Variants in TTC31 observed in about 807,000 individuals in gnomAD.
TTC31 encodes the protein tetratricopeptide repeat domain 31.
TTC31 carries 59 observed loss-of-function variants against 60.4 expected under a neutral mutation model. The observed-to-expected ratio is 0.98, with a 90% CI of 0.79 to 1.21. The LOEUF is 1.21. Among genes scored for constraint, TTC31 ranks in the 50% most tolerant of loss-of-function variants. The pLI, the probability that TTC31 is intolerant of heterozygous loss-of-function variation, is 0.00. For synonymous variants in TTC31, 225 were observed against 249.6 expected (o/e 0.90, Z 0.93); for missense variants, 672 against 646.9 (o/e 1.04, Z -0.42).
chr2:74,486,218 G>C (rs778121098), intron 2 of TTC31, among the ~76,000 whole-genome samples: 2 of 151,514 alleles, frequency 1.3e-5, no homozygotes, highest in Admixed American at 1.3e-4. Flanking sequence ...GTGAGCCAAG[G>C]TTGCGCCATT....
At chr2:74,483,200 T>A in intron 1 of TTC31, 65 bp downstream of exon 1, 1 of 1,613,810 alleles carries the variant, frequency 6.2e-7, no homozygotes, top group Non-Finnish European at 8.5e-7. Flanking sequence ...TGGGTCCACC[T>A]GTGGTCTGAA....
intron 5 of TTC31, 120 bp downstream of exon 5, chr2:74,490,859 A>G: frequency 1.8e-6 from 2 of 1,094,234 alleles, no homozygotes; most frequent in Non-Finnish European, 2.6e-6. Context: ...TCTTGCCAGG[A>G]GGACACAAGG....
rs1353466951 is a variant in TTC31, at chr2:74,483,418, C to T, written c.129+8C>T. Reference sequence around the variant, plus strand: ...GAGGATTACGGCGAAGAGGTAAAAGCGACCCTCAGTTTCCCCCAGTCCTGC... The same window carrying T: ...GAGGATTACGGCGAAGAGGTAAAAGTGACCCTCAGTTTCCCCCAGTCCTGC... On this transcript the variant is annotated splice_region_variant and intron_variant, in intron 2 of 12. Coordinates refer to ENST00000233623, the MANE Select transcript of TTC31 (RefSeq NM_022492.6). The T allele has an allele frequency of 6.8e-6, 11 of 1,614,048 alleles. No homozygotes were observed. In the East Asian group the frequency reaches 2.4e-4, roughly 36 times the overall value.
At chr2:74,492,501 G>T in intron 11 of TTC31, 56 bp downstream of exon 11, 1 of 1,528,444 alleles carries the variant, frequency 6.5e-7, no homozygotes. Context: ...AGTGGGGAGA[G>T]GGTCTATGTT....
intron 2 of TTC31, chr2:74,483,731 C>G: frequency 1.6e-6 from 1 of 640,220 alleles, no homozygotes; most frequent in Non-Finnish European, 2.3e-6. Context: ...AATCTCAACA[C>G]TTTGGGAGGC....
chr2:74,492,390 G>A lies in TTC31; in HGVS notation c.1106G>A (p.Arg369Gln), dbSNP rs199905821. ...LADAQVALTLRPGWPRGLFRL... is the reference protein window; with the variant it reads ...LADAQVALTLQPGWPRGLFRL... Reference sequence around the variant, plus strand: ...GATGCCCAGGTGGCCCTTACCCTACGGCCTGGCTGGCCCCGGGGCCTCTTC... The same window carrying A: ...GATGCCCAGGTGGCCCTTACCCTACAGCCTGGCTGGCCCCGGGGCCTCTTC... Residue 369 changes from arginine (R) to glutamine (Q), a missense_variant, in exon 11 of 13, where the codon CGG becomes CAG. Coordinates refer to ENST00000233623, the MANE Select transcript of TTC31 (RefSeq NM_022492.6). 324 of 1,530,834 alleles carry A rather than the reference G, an allele frequency of 2.1e-4. 1 individual carries two copies. The highest frequency in any genetic ancestry group is 2.5e-4 in the Non-Finnish European group (290 of 1,139,780). 94.8% of individuals were successfully genotyped at this position (1,530,834 alleles called of 1,614,324 possible).
At chr2:74,489,680 G>A (rs1673581261) in intron 2 of TTC31, among the ~76,000 whole-genome samples, 1 of 152,146 alleles carries the variant, frequency 6.6e-6, no homozygotes, top group African/African-American at 2.4e-5. Context: ...GATATGACAG[G>A]GGGCCTAGCT....
chr2:74,491,240 G>A lies in TTC31; in HGVS notation c.604-55G>A. The A allele has an allele frequency of 1.4e-5, 22 of 1,614,172 alleles. No homozygotes were observed. In the South Asian group the frequency reaches 2.3e-4, roughly 17 times the overall value. On this transcript the variant is annotated intron_variant, in intron 6 of 12. Coordinates refer to ENST00000233623, the MANE Select transcript of TTC31 (RefSeq NM_022492.6). The stretch of plus-strand genomic sequence containing the variant: ...CAAGTGCCAGGAAGGTGAGGGCCAA[G>A]AAAGCAGGCAGCTCAAGGTGATCCC...
intron 2 of TTC31, 97 bp downstream of exon 2, chr2:74,483,507 G>C: frequency 6.3e-7 from 1 of 1,586,978 alleles, no homozygotes; most frequent in Non-Finnish European, 8.6e-7. Context: ...GGCGCCAGAC[G>C]GGGCTCTGGA....
rs919971907 is a variant in TTC31, at chr2:74,494,435, G to A, written c.*1217G>A. 5.9e-5 allele frequency: 9 copies of A among 152,340 alleles called. No homozygotes were observed. The highest frequency in any genetic ancestry group is 1.2e-4 in the African/African-American group (5 of 41,574). 9.4% of individuals were successfully genotyped at this position (152,340 alleles called of 1,614,324 possible). ...CATCTAAGCCTCAGTTCCCTCACCTGTAAAAATGAGGGTAGTCCCTACCTC... is the reference window on the plus strand; with the variant it reads ...CATCTAAGCCTCAGTTCCCTCACCTATAAAAATGAGGGTAGTCCCTACCTC... On this transcript the variant is annotated 3_prime_UTR_variant, in exon 13 of 13. Coordinates refer to ENST00000233623, the MANE Select transcript of TTC31 (RefSeq NM_022492.6).
chr2:74,488,880 A>G (rs1409430010), intron 2 of TTC31, among the ~76,000 whole-genome samples: 1 of 152,180 alleles, frequency 6.6e-6, no homozygotes, highest in Non-Finnish European at 1.5e-5. Context: ...CTTGGCCAAC[A>G]TGGTGAAACC....
intron 2 of TTC31, among the ~76,000 whole-genome samples, chr2:74,487,113 C>T (rs913796797): frequency 1.3e-5 from 2 of 152,190 alleles, no homozygotes; most frequent in Non-Finnish European, 2.9e-5. Flanking sequence ...GGAGAAGATT[C>T]ACAATGATAT....
At chr2:74,492,605 T>C (rs191452782) in intron 11 of TTC31, 41 bp from the exon 12 acceptor site, 2 of 1,610,648 alleles carry the variant, frequency 1.2e-6, no homozygotes, top group Non-Finnish European at 1.7e-6. Context: ...TTAAGCACCT[T>C]GACACCTAAT....
chr2:74,488,145 T>C (rs1227653968), intron 2 of TTC31, among the ~76,000 whole-genome samples: 6 of 152,184 alleles, frequency 3.9e-5, no homozygotes, highest in Non-Finnish European at 8.8e-5. Context: ...GGCTCATTAT[T>C]TATGCTTATG....
chr2:74,493,109 C>G lies in TTC31; in HGVS notation c.1451C>G (p.Pro484Arg), dbSNP rs998291228. The G allele has an allele frequency of 6.2e-7, 1 of 1,614,184 alleles. No homozygotes were observed. Among genetic ancestry groups the G allele is most frequent in the Admixed American group, 1.7e-5 (1 of 60,020 alleles). Residue 484 changes from proline to arginine, a missense_variant, in exon 13 of 13, where the codon CCC becomes CGC. Coordinates refer to ENST00000233623, the MANE Select transcript of TTC31 (RefSeq NM_022492.6). Reference sequence around the variant, plus strand: ...TGTCACCGAAGCCACCCCAACCAGCCCCTCTCCCAGACTCAGAGTAGAAGG... The same window carrying G: ...TGTCACCGAAGCCACCCCAACCAGCGCCTCTCCCAGACTCAGAGTAGAAGG... ...PSCHRSHPNQ[P>R]LSQTQSRRPH...
In TTC31 at chr2:74,492,402, C is replaced by T. The variant is rs553553956; in HGVS notation, c.1118C>T (p.Pro373Leu). ...QVALTLRPGW[P>L]RGLFRLGKAL... ...GCCCTTACCCTACGGCCTGGCTGGC[C>T]CCGGGGCCTCTTCCGCCTGGGCAAG... Residue 373 changes from proline to leucine, a missense_variant, in exon 11 of 13, where the codon CCC becomes CTC. Coordinates refer to ENST00000233623, the MANE Select transcript of TTC31 (RefSeq NM_022492.6). The T allele has an allele frequency of 8.5e-6, 13 of 1,525,344 alleles. 1 individual carries two copies. The African/African-American group carries it at 1.2e-4, about 15-fold the overall frequency. The allele number at this position is 1,525,344 out of a possible 1,614,324, so 94.5% of individuals were successfully genotyped here. A position where few individuals can be genotyped will look rare whatever the true frequency, so the allele number is the denominator to read the frequency against.
intron 8 of TTC31, 91 bp from the exon 9 acceptor site, chr2:74,491,913 G>A: frequency 1.3e-6 from 2 of 1,592,184 alleles, no homozygotes; most frequent in Non-Finnish European, 1.7e-6. Flanking sequence ...GTTGGGTAAT[G>A]CTAATTGCAG....
chr2:74,487,181 G>GT (rs1673217589), intron 2 of TTC31, among the ~76,000 whole-genome samples: 1 of 152,228 alleles, frequency 6.6e-6, no homozygotes, highest in Admixed American at 6.5e-5. Context: ...AGCACAGACT[G>GT]TGGTTTGGGG....
Position 74,493,321 on chromosome 2 carries a change from A to G in TTC31, c.*103A>G, listed in dbSNP as rs1262392198. ...CATATTTTGAGACCTTATTCTCTAG[A>G]TCCATAGTTAATGATGCCCTGGCAG... On this transcript the variant is annotated 3_prime_UTR_variant, in exon 13 of 13. Transcript: ENST00000233623. The G allele has an allele frequency of 8.2e-7, 1 of 1,216,438 alleles. No individual in the cohort carries two copies. The highest frequency in any genetic ancestry group is 1.1e-6 in the Non-Finnish European group (1 of 882,524). The allele number at this position is 1,216,438 out of a possible 1,614,324, so 75.4% of individuals were successfully genotyped here.
Sources: allele counts gnomAD v4.1 joint callset (sites outside exome capture counted in the v4.1 genomes callset), GRCh38; gene constraint gnomAD v4.1.1; transcripts MANE v1.5; gene names NCBI Gene and HGNC (gene_info 2026-07-23, HGNC 2026-07-21).